Variants in NWD1 observed in about 807,000 individuals in gnomAD.
The protein encoded by NWD1 is NACHT domain- and WD repeat-containing protein 1.
NWD1 carries 129 observed loss-of-function variants against 135.1 expected under a neutral mutation model. The observed-to-expected ratio is 0.96, with a 90% CI of 0.83 to 1.11. NWD1 has a LOEUF of 1.11. Ranked by LOEUF, NWD1 falls within the 50% of genes least tolerant of loss-of-function variation. NWD1 has a pLI of 0.00. For missense variants in NWD1, 1,740 were observed against 1,851.3 expected, an observed-to-expected ratio of 0.94 and a Z score of 1.10; for synonymous variants, 773 against 786.0, an observed-to-expected ratio of 0.98 and a Z score of 0.28.
intron 13 of NWD1, among the ~76,000 whole-genome samples, chr19:16,789,439 C>T (rs1209935215): frequency 2.0e-5 from 3 of 152,106 alleles, no homozygotes; most frequent in Non-Finnish European, 2.9e-5. Flanking sequence ...CATTTTAGGG[C>T]TATAAATTTC....
At chr19:16,789,716 C>CTTTTTTTTTTTT (rs11383216) in intron 13 of NWD1, among the ~76,000 whole-genome samples, 1 of 119,578 alleles carries the variant, frequency 8.4e-6, no homozygotes, top group Non-Finnish European at 1.7e-5. Context: ...TCCTCTCTCT[C>CTTTTTTTTTTTT]TTTTTTTTTT....
intron 10 of NWD1, among the ~76,000 whole-genome samples, chr19:16,769,258 T>C (rs1047608843): frequency 6.6e-6 from 1 of 151,912 alleles, no homozygotes; most frequent in African/African-American, 2.4e-5. Context: ...GGTCAGGAGT[T>C]TGAGACCAGC....
intron 6 of NWD1, among the ~76,000 whole-genome samples, chr19:16,754,678 A>G (rs1159367609): frequency 7.0e-6 from 1 of 142,104 alleles, no homozygotes; most frequent in Non-Finnish European, 1.5e-5. Context: ...CATCATCTCT[A>G]TCTTCCATCC....
intron 7 of NWD1, among the ~76,000 whole-genome samples, chr19:16,760,217 C>G (rs1968957172): frequency 7.4e-6 from 1 of 135,624 alleles, no homozygotes; most frequent in South Asian, 2.2e-4. Flanking sequence ...GTTCATGAAA[C>G]ATAAAATTCA....
chr19:16,779,153 G>A (rs970899347), intron 11 of NWD1, among the ~76,000 whole-genome samples, 190 bp from the exon 12 acceptor site: 3 of 152,166 alleles, frequency 2.0e-5, no homozygotes, highest in African/African-American at 7.2e-5. Context: ...GAATGTCACA[G>A]GCCAGAGTGT....
At chr19:16,778,898 T>C (rs1042770099) in intron 11 of NWD1, among the ~76,000 whole-genome samples, 1 of 152,134 alleles carries the variant, frequency 6.6e-6, no homozygotes, top group African/African-American at 2.4e-5. Flanking sequence ...AGCCATGGCA[T>C]TGCTGACTTC....
intron 4 of NWD1, chr19:16,738,260 G>A: frequency 2.2e-6 from 1 of 451,754 alleles, no homozygotes; most frequent in African/African-American, 2.0e-5. Flanking sequence ...GGACAGTAAA[G>A]AGGGAAAAAG....
chr19:16,764,761 C>A (rs538980975), intron 9 of NWD1, among the ~76,000 whole-genome samples: 2 of 152,144 alleles, frequency 1.3e-5, no homozygotes, highest in African/African-American at 2.4e-5. Context: ...ATTCTGCCCC[C>A]CCAGGGGACA....
At chr19:16,803,568 A>T (rs552136223) in intron 17 of NWD1, among the ~76,000 whole-genome samples, 3 of 152,218 alleles carry the variant, frequency 2.0e-5, no homozygotes, top group African/African-American at 7.2e-5. Flanking sequence ...GGAATTTGTC[A>T]GGGGGACACA....
At chr19:16,767,642 C>T (rs866558550) in intron 10 of NWD1, among the ~76,000 whole-genome samples, 11 of 151,918 alleles carry the variant, frequency 7.2e-5, no homozygotes, top group Non-Finnish European at 1.2e-4. Context: ...CATCAGATCT[C>T]GTGAAAACTC....
intron 4 of NWD1, among the ~76,000 whole-genome samples, chr19:16,738,726 T>TAA (rs1174577201): frequency 7.0e-6 from 1 of 143,232 alleles, no homozygotes; most frequent in Non-Finnish European, 1.5e-5. Context: ...CATATATATA[T>TAA]AATCTATATA....
At chr19:16,734,612 T>C (rs10425680) in intron 3 of NWD1, among the ~76,000 whole-genome samples, 48,577 of 149,614 alleles carry the variant, frequency 0.32, 8,633 homozygotes, top group African/African-American at 0.43. Context: ...GGTGTCGCTC[T>C]GTCACCCAGG....
intron 3 of NWD1, among the ~76,000 whole-genome samples, 192 bp downstream of exon 3, chr19:16,731,470 C>A (rs545959166): frequency 1.6e-4 from 24 of 151,718 alleles, no homozygotes; most frequent in Admixed American, 2.6e-4. Context: ...CCACGCCCAG[C>A]TAATTTTTGT....
chr19:16,806,630 G>A (rs1198858303), intron 17 of NWD1, among the ~76,000 whole-genome samples: 2 of 152,012 alleles, frequency 1.3e-5, no homozygotes, highest in African/African-American at 4.8e-5. Context: ...AAAATCACTA[G>A]AGCCTGAGAG....
At chr19:16,799,560 G>A (rs184078250) in intron 16 of NWD1, among the ~76,000 whole-genome samples, 6 of 152,008 alleles carry the variant, frequency 3.9e-5, no homozygotes, top group Middle Eastern at 3.4e-3. Context: ...AGGCTTGCGT[G>A]CAATGGCACG....
intron 11 of NWD1, among the ~76,000 whole-genome samples, chr19:16,775,750 C>T (rs571984725): frequency 3.2e-4 from 49 of 152,198 alleles, no homozygotes; most frequent in African/African-American, 1.0e-3. Context: ...CTCACTGCAC[C>T]TCTGCTTCCC....
chr19:16,810,224 G>A (rs796837879), intron 18 of NWD1, among the ~76,000 whole-genome samples: 8 of 152,008 alleles, frequency 5.3e-5, no homozygotes, highest in African/African-American at 1.9e-4. Context: ...GATCACCTGA[G>A]GTTAGGGGTT....
At chr19:16,781,850 T>A (rs1969864189) in intron 12 of NWD1, among the ~76,000 whole-genome samples, 1 of 152,164 alleles carries the variant, frequency 6.6e-6, no homozygotes, top group Admixed American at 6.5e-5. Flanking sequence ...CTCAGCACTT[T>A]GGGAGGCCTA....
intron 11 of NWD1, among the ~76,000 whole-genome samples, chr19:16,775,443 A>T (rs1196586033): frequency 1.3e-5 from 2 of 151,970 alleles, no homozygotes; most frequent in African/African-American, 2.4e-5. Flanking sequence ...GCGCTCTGCC[A>T]TTTTCAGTGT....
Sources: gnomAD v4.1 joint callset for allele counts (sites outside exome capture counted in the v4.1 genomes callset) on GRCh38, gnomAD v4.1.1 for gene constraint, MANE v1.5 for transcripts, NCBI Gene and HGNC (gene_info 2026-07-23, HGNC 2026-07-21) for gene names.